The following RAPGEF2 variants were observed in gnomAD, a reference collection of about 807,000 sequenced individuals.
RAPGEF2 encodes the protein Rap guanine nucleotide exchange factor 2.
RAPGEF2 carries 54 observed loss-of-function variants against 186.7 expected under a neutral mutation model. The ratio of observed to expected loss-of-function variants is 0.29; its 90% CI spans 0.23 to 0.36. The LOEUF is 0.36. Among genes scored for constraint, RAPGEF2 ranks in the 10% least tolerant of loss-of-function variants. RAPGEF2 has a pLI of 1.00. For missense variants in RAPGEF2, 1,532 were observed against 2,045.0 expected (o/e 0.75, Z 4.84); for synonymous variants, 712 against 705.9 (o/e 1.01, Z -0.14).
At position 159,355,679 on chromosome 4, in the gene RAPGEF2, G is replaced by A. The variant is rs562011712; in HGVS notation, c.4652-174G>A. Among the ~76,000 whole-genome samples the A allele has an allele frequency of 2.6e-5, 4 of 152,236 alleles. No homozygotes were observed. In the East Asian group the frequency reaches 7.7e-4, roughly 29 times the overall value. On this transcript the variant is annotated intron_variant, in intron 28 of 29. Coordinates refer to ENST00000691494, the MANE Select transcript of RAPGEF2 (RefSeq NM_001394067.2). ...AAAGATAACATCATTGTGAAATTTGGTTTAGTTAACATGCATTCCCTGGCC... is the reference window on the plus strand; with the variant it reads ...AAAGATAACATCATTGTGAAATTTGATTTAGTTAACATGCATTCCCTGGCC...
At chr4:159,272,876 G>A (rs1758292384) in intron 7 of RAPGEF2, among the ~76,000 whole-genome samples, 1 of 152,214 alleles carries the variant, frequency 6.6e-6, no homozygotes, top group African/African-American at 2.4e-5. Flanking sequence ...GCAAAGGAGT[G>A]TAACCTCTTT....
intron 7 of RAPGEF2, among the ~76,000 whole-genome samples, chr4:159,255,956 T>G (rs1756110841): frequency 1.3e-5 from 2 of 152,232 alleles, no homozygotes; most frequent in Admixed American, 6.5e-5. Context: ...ACACTTGCTC[T>G]AAGACAATCT....
intron 8 of RAPGEF2, among the ~76,000 whole-genome samples, chr4:159,306,589 T>G (rs1318253715): frequency 6.6e-6 from 1 of 152,136 alleles, no homozygotes; most frequent in Non-Finnish European, 1.5e-5. Context: ...CAGGGATAAT[T>G]TCACTTCCAC....
intron 6 of RAPGEF2, among the ~76,000 whole-genome samples, chr4:159,243,307 TC>T (rs1754235259): frequency 6.6e-6 from 1 of 151,898 alleles, no homozygotes; most frequent in Non-Finnish European, 1.5e-5. Context: ...AAGGATTGCA[TC>T]CTTTTTTGGG....
At chr4:159,356,187 T>A in intron 29 of RAPGEF2, 29 bp downstream of exon 29, 2 of 1,590,392 alleles carry the variant, frequency 1.3e-6, no homozygotes, top group Non-Finnish European at 1.7e-6. Context: ...TCCTAAAACC[T>A]CCAAGTTAGA....
Position 159,356,135 on chromosome 4 carries a change from A to G in RAPGEF2, c.4934A>G (p.Gln1645Arg). 4 of 1,613,958 alleles carry G rather than the reference A, an allele frequency of 2.5e-6. No homozygotes were observed. The highest frequency in any genetic ancestry group is 3.4e-6 in the Non-Finnish European group (4 of 1,179,878). The stretch of plus-strand genomic sequence containing the variant: ...CCGCGCCTCGCCCCCTATCAGTCCC[A>G]AGGGTTTTCCACCGAGGAGGATGGT... ...SDPRLAPYQS[Q>R]GFSTEEDEDE... The change falls in exon 29 of 30, where the codon CAA becomes CGA. Residue 1645 changes from glutamine to arginine, a missense_variant. Gln to Arg is a conservative substitution (Grantham distance 43, BLOSUM62 1). This residue lies in a region of RAPGEF2 where 594 missense variants were observed against 608.5 expected (regional missense o/e 0.98). Transcript: ENST00000691494.
intron 7 of RAPGEF2, among the ~76,000 whole-genome samples, chr4:159,252,001 A>G (rs886268358): frequency 6.6e-5 from 10 of 152,120 alleles, no homozygotes. Flanking sequence ...AACCCACCAG[A>G]AGGAACAAAG....
In RAPGEF2 at chr4:159,270,018, A is replaced by G. The variant is rs147679148; in HGVS notation, c.543+26227A>G. Among the ~76,000 whole-genome samples the G allele has an allele frequency of 1.0e-2, 1,519 of 152,288 alleles. 25 individuals carry two copies. Among genetic ancestry groups the G allele is most frequent in the African/African-American group, 0.035 (1,442 of 41,550 alleles). On this transcript the variant is annotated intron_variant, in intron 7 of 29. Transcript: ENST00000691494. ...TCCTGACAAGTGCCTATATTTTGCTACAATTTAGAGTGATATTAGACTAAA... is the reference window on the plus strand; with the variant it reads ...TCCTGACAAGTGCCTATATTTTGCTGCAATTTAGAGTGATATTAGACTAAA...
At chr4:159,334,370 T>G (rs1767112021) in intron 17 of RAPGEF2, among the ~76,000 whole-genome samples, 1 of 152,138 alleles carries the variant, frequency 6.6e-6, no homozygotes, top group Admixed American at 6.5e-5. Context: ...TTCCTTAGCC[T>G]CCTGAGTAGC....
At chr4:159,280,800 T>C (rs1452788915) in intron 7 of RAPGEF2, among the ~76,000 whole-genome samples, 2 of 152,318 alleles carry the variant, frequency 1.3e-5, no homozygotes, top group South Asian at 2.1e-4. Flanking sequence ...TTAATAAGCA[T>C]ATTTAAAACA....
intron 1 of RAPGEF2, among the ~76,000 whole-genome samples, chr4:159,142,568 A>G (rs1196694674): frequency 6.6e-6 from 1 of 151,968 alleles, no homozygotes; most frequent in Admixed American, 6.5e-5. Context: ...GGGTAAACCA[A>G]GAACGTTTAT....
intron 1 of RAPGEF2, among the ~76,000 whole-genome samples, chr4:159,168,946 A>G (rs997497429): frequency 6.6e-6 from 1 of 152,236 alleles, no homozygotes. Flanking sequence ...TTGTCTTCTG[A>G]CAACCGTTAT....
chr4:159,329,870 G>A lies in RAPGEF2; in HGVS notation c.1162G>A (p.Ala388Thr). The A allele has an allele frequency of 1.2e-6, 2 of 1,611,496 alleles. No homozygotes were observed. Among genetic ancestry groups the A allele is most frequent in the Non-Finnish European group, 1.7e-6 (2 of 1,178,686 alleles). ...TGTTTTATTCCAGTTTGTCTGCATA[G>A]CCCAGCAAGATTACTGCCGTATTCT... ...KVDDCQFVCI[A>T]QQDYCRILNQ... The change falls in exon 12 of 30, where the codon GCC becomes ACC. Residue 388 changes from alanine (A) to threonine (T), a missense_variant. Around this residue, in one of 4 missense-constraint regions of RAPGEF2, gnomAD observed 810 missense variants for 1,210.5 expected, o/e 0.67. Coordinates refer to ENST00000691494, the MANE Select transcript of RAPGEF2 (RefSeq NM_001394067.2).
At chr4:159,130,182 T>C (rs1326577585) in intron 1 of RAPGEF2, among the ~76,000 whole-genome samples, 1 of 152,238 alleles carries the variant, frequency 6.6e-6, no homozygotes. Flanking sequence ...TTTGTTGTCA[T>C]CTTGGTTTTG....
intron 4 of RAPGEF2, among the ~76,000 whole-genome samples, chr4:159,217,171 A>AATTTTG (rs1421439636): frequency 6.6e-6 from 1 of 151,980 alleles, no homozygotes; most frequent in African/African-American, 2.4e-5. Context: ...TATTTATTTT[A>AATTTTG]ATTTTGATTT....
rs369891510 is a variant in RAPGEF2 at position 159,331,475 on chromosome 4, C to T, written c.1512C>T (p.Asp504=). Residue 504 remains aspartate (D), a synonymous_variant, in exon 14 of 30, where the codon GAC becomes GAT. Coordinates refer to ENST00000691494, the MANE Select transcript of RAPGEF2 (RefSeq NM_001394067.2). ...VLLWVNNHFN[D]FEGDPAMTRF... ...TGTGGGTAAATAATCACTTCAATGA[C>T]TTTGAAGGAGATCCTGCAATGACTC... is the stretch of plus-strand genomic sequence containing the variant. 868 of 1,613,256 alleles carry T rather than the reference C, an allele frequency of 5.4e-4. 5 individuals are homozygous for T. In the African/African-American group the frequency reaches 9.7e-3, roughly 18 times the overall value.
intron 1 of RAPGEF2, among the ~76,000 whole-genome samples, chr4:159,171,912 CAA>C (rs1745946416): frequency 6.6e-6 from 1 of 151,894 alleles, no homozygotes; most frequent in Non-Finnish European, 1.5e-5. Context: ...TACTACCGTT[CAA>C]GAGTTACAGC....
intron 1 of RAPGEF2, among the ~76,000 whole-genome samples, chr4:159,104,985 G>A (rs1737720308): frequency 6.6e-6 from 1 of 152,150 alleles, no homozygotes; most frequent in East Asian, 1.9e-4. Flanking sequence ...GATTCTTTTG[G>A]TGTTGCACAA....
intron 1 of RAPGEF2, among the ~76,000 whole-genome samples, chr4:159,132,745 T>C (rs1295234656): frequency 1.3e-5 from 2 of 152,202 alleles, no homozygotes; most frequent in Non-Finnish European, 2.9e-5. Context: ...CGTTGATTGC[T>C]CATTTTCTTT....
Sources: gnomAD v4.1 joint callset for allele counts (sites outside exome capture counted in the v4.1 genomes callset) on GRCh38, gnomAD v4.1.1 for gene constraint, gnomAD v4.1.1 regional missense constraint, MANE v1.5 for transcripts, NCBI Gene and HGNC (gene_info 2026-07-23, HGNC 2026-07-21) for gene names.